Variants in CDC14A observed in about 807,000 individuals in gnomAD.
The protein encoded by CDC14A is dual specificity protein phosphatase CDC14A.
Under a neutral mutation model 74.4 loss-of-function variants are expected in CDC14A, and 53 were observed. The observed-to-expected ratio is 0.71, with a 90% CI of 0.57 to 0.89. CDC14A has a LOEUF of 0.89. Ranked by LOEUF, CDC14A falls within the 40% of genes least tolerant of loss-of-function variation. The pLI is 0.00. For synonymous variants in CDC14A, 247 were observed against 258.4 expected (o/e 0.96, Z 0.43); for missense variants, 646 against 713.7 (o/e 0.91, Z 1.08).
At position 100,508,642 on chromosome 1, in the gene CDC14A, G is replaced by T. The variant is rs1052159174; in HGVS notation, c.1755+9380G>T. On this transcript the variant is annotated intron_variant, in intron 15 of 15. Coordinates refer to ENST00000336454, the MANE Select transcript of CDC14A (RefSeq NM_003672.4). This position sits in a 1 kb window ranked among gnomAD's most constrained non-coding sequence, Gnocchi z 4.4. ...AGCTCCTCCCAGGCTTTCTTCTCAG[G>T]CAGGGATGTGGCTCCATCTCAGCCC... Among the ~76,000 whole-genome samples the T allele has an allele frequency of 6.6e-6, 1 of 152,164 alleles. No homozygotes were observed. The highest frequency in any genetic ancestry group is 2.4e-5 in the African/African-American group (1 of 41,436).
At chr1:100,397,237 T>A (rs1262365657) in intron 4 of CDC14A, among the ~76,000 whole-genome samples, 3 of 152,156 alleles carry the variant, frequency 2.0e-5, no homozygotes, top group Non-Finnish European at 2.9e-5. Flanking sequence ...TAGCAGATGC[T>A]AGGCACCCAT....
intron 3 of CDC14A, among the ~76,000 whole-genome samples, chr1:100,385,832 C>T (rs1348573202): frequency 2.0e-5 from 3 of 152,120 alleles, no homozygotes; most frequent in African/African-American, 4.8e-5. Context: ...GCAATAAATG[C>T]GAGCTGTTGT....
At chr1:100,485,358 T>A in intron 11 of CDC14A, 3 of 960,220 alleles carry the variant, frequency 3.1e-6, no homozygotes, top group Non-Finnish European at 3.7e-6. Flanking sequence ...TATACTTTTA[T>A]ATCTCTAAAG....
At chr1:100,394,711 A>G (rs1396902201) in intron 4 of CDC14A, among the ~76,000 whole-genome samples, 1 of 152,210 alleles carries the variant, frequency 6.6e-6, no homozygotes, top group Non-Finnish European at 1.5e-5. Context: ...TGAACTGGTC[A>G]TGTCCCAATT....
At chr1:100,503,432 C>CT (rs1648956950) in intron 15 of CDC14A, among the ~76,000 whole-genome samples, 2 of 152,294 alleles carry the variant, frequency 1.3e-5, no homozygotes, top group Non-Finnish European at 2.9e-5. Context: ...TAGAGGGAAT[C>CT]TAATATTTTA....
intron 11 of CDC14A, among the ~76,000 whole-genome samples, chr1:100,489,611 G>T (rs953516932): frequency 6.7e-6 from 1 of 149,300 alleles, no homozygotes; most frequent in South Asian, 2.1e-4. Context: ...ACTTCTTTTG[G>T]TACAATATTT....
At chr1:100,477,691 G>A (rs1301100524) in intron 10 of CDC14A, among the ~76,000 whole-genome samples, 1 of 152,166 alleles carries the variant, frequency 6.6e-6, no homozygotes, top group African/African-American at 2.4e-5. Context: ...TGACGCAAAA[G>A]CATGAATAAG....
At chr1:100,392,695 C>T (rs904408917) in intron 4 of CDC14A, among the ~76,000 whole-genome samples, 11 of 152,116 alleles carry the variant, frequency 7.2e-5, no homozygotes, top group Non-Finnish European at 1.5e-4. Flanking sequence ...TTTCCAACTT[C>T]CTGTACATGT....
chr1:100,351,593 T>C (rs942234132), upstream of CDC14A: 2 of 637,558 alleles, frequency 3.1e-6, no homozygotes, highest in Non-Finnish European at 2.8e-6. Context: ...CCTTCCTCCT[T>C]GGACCAGTGG....
At chr1:100,459,620 A>G (rs1416879046) in intron 8 of CDC14A, among the ~76,000 whole-genome samples, 1 of 152,158 alleles carries the variant, frequency 6.6e-6, no homozygotes, top group East Asian at 1.9e-4. Flanking sequence ...GATGAATAAA[A>G]ACATCTCTTT....
chr1:100,507,945 G>T (rs1649383549), intron 15 of CDC14A, among the ~76,000 whole-genome samples: 2 of 152,154 alleles, frequency 1.3e-5, no homozygotes, highest in Admixed American at 1.3e-4. Context: ...CTCCCAAAGT[G>T]CTGGGATTAC....
chr1:100,446,527 A>AT (rs1470524143), intron 7 of CDC14A, among the ~76,000 whole-genome samples: 1 of 152,228 alleles, frequency 6.6e-6, no homozygotes, highest in Non-Finnish European at 1.5e-5. Context: ...ATATCATGAA[A>AT]TTAGTTTTAA....
At chr1:100,464,335 G>A (rs1224335313) in intron 9 of CDC14A, among the ~76,000 whole-genome samples, 1 of 152,192 alleles carries the variant, frequency 6.6e-6, no homozygotes, top group East Asian at 1.9e-4. Context: ...AGTCTGTTAG[G>A]AAGGTGTCAC....
chr1:100,411,208 T>A (rs149019035), intron 4 of CDC14A, among the ~76,000 whole-genome samples: 7 of 152,298 alleles, frequency 4.6e-5, no homozygotes, highest in African/African-American at 1.7e-4. Flanking sequence ...GTCCTTTGCC[T>A]CTACCTTCGC....
At chr1:100,358,285 C>G (rs112772381) in intron 2 of CDC14A, among the ~76,000 whole-genome samples, 11 of 152,312 alleles carry the variant, frequency 7.2e-5, no homozygotes, top group African/African-American at 2.4e-4. Context: ...CCCCGTAATC[C>G]AAACAGGCGC....
intron 15 of CDC14A, among the ~76,000 whole-genome samples, chr1:100,517,349 G>C (rs1650313266): frequency 6.6e-6 from 1 of 152,202 alleles, no homozygotes; most frequent in Non-Finnish European, 1.5e-5. Flanking sequence ...TAATTATTGG[G>C]TGGGAGAAAA....
rs145141847 is a variant in CDC14A, at chr1:100,374,796, A to G, written c.141-2750A>G. On this transcript the variant is annotated intron_variant, in intron 2 of 15. Transcript: ENST00000336454. ...TGACTAATTCAAAGGTCTTTTGGGG[A>G]TGGATTTTGGAAATGTGTTGGTATT... is the stretch of plus-strand genomic sequence containing the variant. Among the ~76,000 whole-genome samples the G allele has an allele frequency of 5.3e-3, 807 of 152,290 alleles. 6 individuals carry two copies. The highest frequency in any genetic ancestry group is 9.1e-3 in the Non-Finnish European group (620 of 68,026).
At chr1:100,424,825 A>G (rs1388511278) in intron 5 of CDC14A, among the ~76,000 whole-genome samples, 1 of 152,210 alleles carries the variant, frequency 6.6e-6, no homozygotes, top group Non-Finnish European at 1.5e-5. Flanking sequence ...TCTAAGTATC[A>G]TCAAAAGAAG....
At chr1:100,459,056 A>T (rs1667013805) in intron 8 of CDC14A, among the ~76,000 whole-genome samples, 1 of 144,440 alleles carries the variant, frequency 6.9e-6, no homozygotes, top group Non-Finnish European at 1.5e-5. Context: ...AATGTCTCTT[A>T]AGTGTCACTG....
Sources: allele counts gnomAD v4.1 joint callset (sites outside exome capture counted in the v4.1 genomes callset), GRCh38; gene constraint gnomAD v4.1.1; non-coding constraint Gnocchi (gnomAD v3.1); transcripts MANE v1.5; gene names NCBI Gene and HGNC (gene_info 2026-07-23, HGNC 2026-07-21).